CSMD1: variants seen among roughly 807,000 people sequenced by gnomAD.
CSMD1 encodes the protein CUB and sushi domain-containing protein 1.
Under a neutral mutation model 417.5 loss-of-function variants are expected in CSMD1, and 213 were observed. The ratio of observed to expected loss-of-function variants is 0.51; its 90% CI spans 0.46 to 0.57. The LOEUF (loss-of-function observed/expected upper bound fraction) is 0.57, where lower values mean the gene tolerates loss of function less well. Ranked by LOEUF, CSMD1 falls within the 20% of genes least tolerant of loss-of-function variation. CSMD1 has a pLI of 0.00. For missense variants in CSMD1, 6,923 were observed against 4,529.7 expected (o/e 1.53, Z -15.17); for synonymous variants, 2,862 against 1,736.8 (o/e 1.65, Z -16.11).
chr8:3,751,645 T>TA (rs1797349080), intron 6 of CSMD1, among the ~76,000 whole-genome samples: 1 of 151,820 alleles, frequency 6.6e-6, no homozygotes, highest in South Asian at 2.1e-4. Context: ...ATATTTTTTT[T>TA]AACTTTTAAA....
chr8:3,292,632 A>C (rs1008919807), intron 25 of CSMD1, among the ~76,000 whole-genome samples: 2 of 152,108 alleles, frequency 1.3e-5, no homozygotes, highest in African/African-American at 2.4e-5. Context: ...CTGTTTTATC[A>C]GAGACTAGGA....
chr8:4,288,597 G>T (rs775607629), intron 3 of CSMD1, among the ~76,000 whole-genome samples: 1 of 152,168 alleles, frequency 6.6e-6, no homozygotes, highest in Admixed American at 6.5e-5. Flanking sequence ...CATGCAGCTG[G>T]AGTTCCTGCC....
In CSMD1 at chr8:4,369,964, A is replaced by G. The variant is rs1183611027; in HGVS notation, c.415+49989T>C. Among the ~76,000 whole-genome samples, 4 of 152,132 alleles carry G rather than the reference A, an allele frequency of 2.6e-5. No homozygotes were observed. In the East Asian group the frequency reaches 7.7e-4, roughly 29 times the overall value. ...CCATTTACATTCTGGGTCAATACTG[A>G]CACGTGAGAATTGTATCTATCATCT... On this transcript the variant is annotated intron_variant, in intron 3 of 69. Coordinates refer to ENST00000635120, the MANE Select transcript of CSMD1 (RefSeq NM_033225.6).
chr8:4,234,402 C>A (rs980802088), intron 3 of CSMD1, among the ~76,000 whole-genome samples: 1 of 152,086 alleles, frequency 6.6e-6, no homozygotes, highest in African/African-American at 2.4e-5. Context: ...ATTCCTGAAC[C>A]ACCTCAGTCT....
intron 1 of CSMD1, among the ~76,000 whole-genome samples, chr8:4,895,050 G>A (rs139385925): frequency 1.5e-4 from 23 of 152,210 alleles, no homozygotes; most frequent in African/African-American, 5.3e-4. Flanking sequence ...AAGAATATCT[G>A]TTTTGTTTCT....
chr8:4,928,413 T>A (rs1807019344), intron 1 of CSMD1, among the ~76,000 whole-genome samples: 1 of 152,220 alleles, frequency 6.6e-6, no homozygotes, highest in Non-Finnish European at 1.5e-5. Context: ...TCCCTGATTG[T>A]CTCTGATACA....
chr8:3,886,069 G>C (rs555620633), intron 5 of CSMD1, among the ~76,000 whole-genome samples: 50 of 150,740 alleles, frequency 3.3e-4, no homozygotes, highest in African/African-American at 1.2e-3. Context: ...TTATTTTTTT[G>C]AGACAGACTC....
intron 10 of CSMD1, among the ~76,000 whole-genome samples, chr8:3,546,676 T>C (rs1798679055): frequency 6.6e-6 from 1 of 152,180 alleles, no homozygotes. Flanking sequence ...GGGTAAAGAT[T>C]GTATAAACAG....
intron 5 of CSMD1, among the ~76,000 whole-genome samples, chr8:3,829,120 C>T (rs1431042759): frequency 2.0e-5 from 3 of 151,920 alleles, no homozygotes; most frequent in African/African-American, 7.3e-5. Flanking sequence ...GAACCTGGTG[C>T]ACCCATCACC....
At chr8:3,214,813 T>C in intron 29 of CSMD1, 122 bp from the exon 30 acceptor site, 1 of 552,398 alleles carries the variant, frequency 1.8e-6, no homozygotes. Flanking sequence ...CCTAAATAAG[T>C]AAGAAATGCT....
At chr8:3,525,615 T>A (rs984086642) in intron 10 of CSMD1, among the ~76,000 whole-genome samples, 1 of 152,158 alleles carries the variant, frequency 6.6e-6, no homozygotes, top group Non-Finnish European at 1.5e-5. Flanking sequence ...CATCGTATCT[T>A]CAAAACCTCT....
intron 3 of CSMD1, among the ~76,000 whole-genome samples, chr8:4,213,183 T>A (rs935794726): frequency 1.3e-5 from 2 of 152,082 alleles, no homozygotes; most frequent in Non-Finnish European, 2.9e-5. Flanking sequence ...GAGACATAGT[T>A]GAGAATGTGA....
rs535306268 is a variant in CSMD1, at chr8:4,742,083, T to A, written c.86-104525A>T. Among the ~76,000 whole-genome samples the A allele has an allele frequency of 2.8e-3, 355 of 128,452 alleles. 7 individuals carry two copies. The Admixed American group carries it at 0.028, about 10-fold the overall frequency. 84.3% of individuals were successfully genotyped at this position (128,452 alleles called of 152,430 possible). ...TCTCTCTCTGTCGCCCAGGCTGGAG[T>A]GCAGTGGCGCAATCTCGGCTCACTG... On this transcript the variant is annotated intron_variant, in intron 1 of 69. Coordinates refer to ENST00000635120, the MANE Select transcript of CSMD1 (RefSeq NM_033225.6).
chr8:4,774,271 A>C (rs1796736988), intron 1 of CSMD1, among the ~76,000 whole-genome samples: 1 of 152,222 alleles, frequency 6.6e-6, no homozygotes, highest in Non-Finnish European at 1.5e-5. Flanking sequence ...GCAATGTTAA[A>C]TTAACAGTGC....
chr8:3,562,721 G>C (rs1448582648), intron 10 of CSMD1, among the ~76,000 whole-genome samples: 5 of 151,534 alleles, frequency 3.3e-5, no homozygotes, highest in African/African-American at 1.2e-4. Flanking sequence ...AGAGTTACAT[G>C]TTAAACAACT....
At chr8:3,389,684 T>C (rs1811228889) in intron 17 of CSMD1, among the ~76,000 whole-genome samples, 2 of 150,312 alleles carry the variant, frequency 1.3e-5, no homozygotes, top group African/African-American at 4.9e-5. Context: ...AATAATGAAA[T>C]TTATAAACCA....
At chr8:4,160,644 T>G (rs987645925) in intron 3 of CSMD1, among the ~76,000 whole-genome samples, 3 of 152,240 alleles carry the variant, frequency 2.0e-5, no homozygotes, top group African/African-American at 7.2e-5. Context: ...CTGGAAGTCT[T>G]TGTACTTGTG....
At chr8:4,219,565 AC>A (rs1800898075) in intron 3 of CSMD1, among the ~76,000 whole-genome samples, 1 of 146,980 alleles carries the variant, frequency 6.8e-6, no homozygotes, top group South Asian at 2.2e-4. Context: ...TAAAAAAAAA[AC>A]TTAAAAATTA....
chr8:4,538,356 T>A (rs180769403), intron 2 of CSMD1, among the ~76,000 whole-genome samples: 71 of 152,046 alleles, frequency 4.7e-4, no homozygotes, highest in African/African-American at 1.4e-3. Flanking sequence ...CTTTTTTTTT[T>A]AAAAGGCTGG....
Sources: allele counts gnomAD v4.1 joint callset (sites outside exome capture counted in the v4.1 genomes callset), GRCh38; gene constraint gnomAD v4.1.1; transcripts MANE v1.5; gene names NCBI Gene and HGNC (gene_info 2026-07-23, HGNC 2026-07-21).